CHEK2: variants seen among roughly 807,000 people sequenced by gnomAD.
CHEK2 encodes the protein serine/threonine-protein kinase Chk2.
Under a neutral mutation model 69.1 loss-of-function variants are expected in CHEK2, and 71 were observed. That is an observed-to-expected ratio of 1.03 (90% CI 0.85 to 1.25). CHEK2 has a LOEUF of 1.25. Ranked by LOEUF, CHEK2 falls within the 50% of genes most tolerant of loss-of-function variation. The pLI, the probability that CHEK2 is intolerant of heterozygous loss-of-function variation, is 0.00. For synonymous variants in CHEK2, 189 were observed against 226.9 expected, an observed-to-expected ratio of 0.83 and a Z score of 1.50; for missense variants, 664 against 649.6, an observed-to-expected ratio of 1.02 and a Z score of -0.24.
intron 2 of CHEK2, among the ~76,000 whole-genome samples, chr22:28,731,608 T>G (rs2054218782): frequency 6.6e-6 from 1 of 151,944 alleles, no homozygotes. Context: ...ATAATAATAA[T>G]AATAATAATG....
In CHEK2 at chr22:28,725,011, A is replaced by G. The variant is rs1226489823; in HGVS notation, c.558T>C (p.Asn186=). ...TGCTTAGTGACAGTGCAATTTCAGAATTGTTATTCAAAGGACGGCGTTTTC... is the reference window on the plus strand; with the variant it reads ...TGCTTAGTGACAGTGCAATTTCAGAGTTGTTATTCAAAGGACGGCGTTTTC... ...GKGKRRPLNN[N]SEIALSLSRN... Residue 186 remains asparagine, a synonymous_variant, in exon 4 of 15, where the codon AAT becomes AAC. Coordinates refer to ENST00000404276, the MANE Select transcript of CHEK2 (RefSeq NM_007194.4). 6.2e-7 allele frequency: 1 copy of G among 1,613,906 alleles called. No homozygotes were observed. The highest frequency in any genetic ancestry group is 8.5e-7 in the Non-Finnish European group (1 of 1,180,006).
chr22:28,713,216 C>G (rs1445350376), intron 5 of CHEK2, among the ~76,000 whole-genome samples: 2 of 152,150 alleles, frequency 1.3e-5, no homozygotes, highest in Non-Finnish European at 2.9e-5. Flanking sequence ...CACCTTCCGA[C>G]GGACATTTAT....
At chr22:28,724,933 A>G (rs1295234990) in intron 4 of CHEK2, 44 bp downstream of exon 4, 3 of 1,601,658 alleles carry the variant, frequency 1.9e-6, no homozygotes, top group Admixed American at 3.3e-5. Context: ...CCTATGAGAG[A>G]GTGGAAAAAA....
chr22:28,733,685 G>A (rs1354640908), intron 2 of CHEK2, among the ~76,000 whole-genome samples: 1 of 152,068 alleles, frequency 6.6e-6, no homozygotes, highest in Non-Finnish European at 1.5e-5. Flanking sequence ...TTGGGAGGCC[G>A]AAGCAGGAGG....
chr22:28,711,562 G>T (rs1428187984), intron 6 of CHEK2, among the ~76,000 whole-genome samples: 3 of 152,100 alleles, frequency 2.0e-5, no homozygotes, highest in African/African-American at 7.2e-5. Flanking sequence ...GAAAACAGCT[G>T]TGGGGTTACA....
intron 7 of CHEK2, chr22:28,709,021 G>A (rs747146967): frequency 2.5e-6 from 1 of 400,732 alleles, no homozygotes; most frequent in South Asian, 1.8e-5. Context: ...CTGGACAGGA[G>A]AGAGATCTTG....
At chr22:28,702,135 C>CTG (rs141703411) in intron 8 of CHEK2, among the ~76,000 whole-genome samples, 3,041 of 140,362 alleles carry the variant, frequency 0.022, 33 homozygotes, top group African/African-American at 0.036. Flanking sequence ...GTGTGTGTGT[C>CTG]TGTGTGTGTG....
intron 2 of CHEK2, among the ~76,000 whole-genome samples, chr22:28,732,617 G>A (rs1433213412): frequency 6.6e-6 from 1 of 152,026 alleles, no homozygotes; most frequent in Non-Finnish European, 1.5e-5. Context: ...TTGTATATGT[G>A]GAATGCAGGT....
At chr22:28,718,112 G>T (rs995082746) in intron 5 of CHEK2, among the ~76,000 whole-genome samples, 4 of 152,052 alleles carry the variant, frequency 2.6e-5, no homozygotes, top group Admixed American at 1.3e-4. Context: ...AATAAAATTC[G>T]TGAGGCGAAA....
At chr22:28,713,600 C>T (rs969050814) in intron 5 of CHEK2, among the ~76,000 whole-genome samples, 8 of 152,150 alleles carry the variant, frequency 5.3e-5, no homozygotes, top group Admixed American at 2.6e-4. Flanking sequence ...TCGTGATCCT[C>T]CCATCTCGGC....
At chr22:28,716,698 A>T (rs369320003) in intron 5 of CHEK2, among the ~76,000 whole-genome samples, 13 of 152,152 alleles carry the variant, frequency 8.5e-5, no homozygotes, top group African/African-American at 3.1e-4. Flanking sequence ...CAAAAATATC[A>T]GTAGAAAGAC....
rs587781710 is a variant in CHEK2 at position 28,687,938 on chromosome 22, C to A, written c.1591G>T (p.Glu531Ter). Residue 531 changes from glutamate (E) to a stop codon, truncating the protein, a stop_gained, in exon 15 of 15, where the codon GAG becomes TAG. Coordinates refer to ENST00000404276, the MANE Select transcript of CHEK2 (RefSeq NM_007194.4). LOFTEE classifies it high-confidence loss of function. ...RPREGEAEGA[E>*]TTKRPAVCAA... ...CACACAGCTGGGCGCTTTGTGGTCTCGGCACCCTCGGCTTCCCCTTCACGG... is the reference window on the plus strand; with the variant it reads ...CACACAGCTGGGCGCTTTGTGGTCTAGGCACCCTCGGCTTCCCCTTCACGG... The A allele has an allele frequency of 1.9e-6, 3 of 1,596,382 alleles. No homozygotes were observed. The highest frequency in any genetic ancestry group is 2.5e-6 in the Non-Finnish European group (3 of 1,179,738).
chr22:28,695,579 C>T, intron 11 of CHEK2, 131 bp downstream of exon 11: 1 of 801,290 alleles, frequency 1.2e-6, no homozygotes, highest in Non-Finnish European at 2.2e-6. Flanking sequence ...ATCACTTGAC[C>T]CAGGAGGCAG....
rs767595350 is a variant in CHEK2, at chr22:28,725,196, T to G, written c.444+47A>C. Reference sequence around the variant, plus strand: ...ATAGTGGGAAAATATCTAAAAACAATGACCAAATTACCAGCTCTCCTAGAT... The same window carrying G: ...ATAGTGGGAAAATATCTAAAAACAAGGACCAAATTACCAGCTCTCCTAGAT... On this transcript the variant is annotated intron_variant, in intron 3 of 14. Coordinates refer to ENST00000404276, the MANE Select transcript of CHEK2 (RefSeq NM_007194.4). 6 of 1,613,904 alleles carry G rather than the reference T, an allele frequency of 3.7e-6. No individual in the cohort carries two copies. Among genetic ancestry groups the G allele is most frequent in the Non-Finnish European group, 4.2e-6 (5 of 1,179,972 alleles).
chr22:28,734,370 C>CA, intron 2 of CHEK2, 33 bp downstream of exon 2: 1 of 1,605,652 alleles, frequency 6.2e-7, no homozygotes, highest in Non-Finnish European at 8.5e-7. Flanking sequence ...TTTTTCTGAA[C>CA]AAAACGTGAT....
intron 2 of CHEK2, among the ~76,000 whole-genome samples, chr22:28,725,913 A>AG (rs1421898542): frequency 6.6e-6 from 1 of 150,912 alleles, no homozygotes; most frequent in Non-Finnish European, 1.5e-5. Context: ...AGTTTCAAAA[A>AG]AAAAAAAATG....
At chr22:28,727,018 T>C (rs1478251434) in intron 2 of CHEK2, among the ~76,000 whole-genome samples, 1 of 151,944 alleles carries the variant, frequency 6.6e-6, no homozygotes, top group East Asian at 1.9e-4. Context: ...ACTATCTGCC[T>C]TTAGGACTCT....
chr22:28,694,286 T>C (rs1404103552), intron 12 of CHEK2, among the ~76,000 whole-genome samples, 169 bp from the exon 13 acceptor site: 3 of 152,216 alleles, frequency 2.0e-5, no homozygotes, highest in Admixed American at 6.5e-5. Context: ...TTCAGAGTAC[T>C]GTGAGAAGAC....
At chr22:28,710,641 G>A (rs2053360261) in intron 6 of CHEK2, among the ~76,000 whole-genome samples, 1 of 152,154 alleles carries the variant, frequency 6.6e-6, no homozygotes, top group African/African-American at 2.4e-5. Context: ...TACTAAAGTT[G>A]TTCTGTTACA....
Sources: gnomAD v4.1 joint callset for allele counts (sites outside exome capture counted in the v4.1 genomes callset) on GRCh38, gnomAD v4.1.1 for gene constraint, MANE v1.5 for transcripts, NCBI Gene and HGNC (gene_info 2026-07-23, HGNC 2026-07-21) for gene names.